Variants in C4orf51 observed in about 807,000 individuals in gnomAD.
C4orf51 encodes uncharacterized protein C4orf51.
A neutral mutation model predicts 25.2 loss-of-function variants in C4orf51; 25 were observed. That is an observed-to-expected ratio of 0.99 (90% CI 0.72 to 1.39). The LOEUF (loss-of-function observed/expected upper bound fraction) is 1.39. C4orf51 is among the 40% of genes most tolerant of loss of function. C4orf51 has a pLI of 0.00. For synonymous variants in C4orf51, 100 were observed against 84.5 expected (o/e 1.18, Z -1.01); for missense variants, 252 against 239.6 (o/e 1.05, Z -0.34).
At chr4:145,775,758 G>C, downstream of C4orf51, 1 of 1,612,598 alleles carries the variant, frequency 6.2e-7, no homozygotes, top group Middle Eastern at 1.7e-4. Context: ...GTCTGAGAAA[G>C]GCGGACTAGC....
At chr4:145,789,318 A>C in the C4orf51 span, among the ~76,000 whole-genome samples, 1 of 152,206 alleles carries the variant, frequency 6.6e-6, no homozygotes, top group African/African-American at 2.4e-5. Flanking sequence ...ATAAAGACTT[A>C]AAGTGCATAA....
intron 1 of C4orf51, among the ~76,000 whole-genome samples, chr4:145,739,430 C>T (rs1029845980): frequency 3.9e-5 from 6 of 152,176 alleles, no homozygotes; most frequent in African/African-American, 4.8e-5. Flanking sequence ...TGGCACAGAG[C>T]GTCAAGATTT....
At chr4:145,708,251 G>A (rs1340328748) in intron 2 of C4orf51, among the ~76,000 whole-genome samples, 1 of 152,182 alleles carries the variant, frequency 6.6e-6, no homozygotes, top group Non-Finnish European at 1.5e-5. Context: ...TTAATCTGAG[G>A]ACCTCCTGCA....
At position 145,690,488 on chromosome 4, in the gene C4orf51, A is replaced by G. The variant is rs1578924328; in HGVS notation, c.234-6071A>G. ...CACTGCACTCCAGCCTGGGCGACAG[A>G]GTGAGACTCCATCTCAAAATAATAA... On this transcript the variant is annotated intron_variant, in intron 1 of 5. Coordinates refer to ENST00000438731, the MANE Select transcript of C4orf51 (RefSeq NM_001080531.3). Among the ~76,000 whole-genome samples the G allele has an allele frequency of 2.0e-5, 3 of 152,124 alleles. No individual in the cohort carries two copies. The East Asian group carries it at 5.8e-4, about 29-fold the overall frequency.
chr4:145,680,369 CA>C lies in C4orf51; in HGVS notation c.168del (p.Gln56HisfsTer26). 1 of 1,613,956 alleles carries C rather than the reference CA, an allele frequency of 6.2e-7. No individual in the cohort carries two copies. On this transcript the variant is annotated frameshift_variant, in exon 1 of 6. Coordinates refer to ENST00000438731, the MANE Select transcript of C4orf51 (RefSeq NM_001080531.3). LOFTEE classifies it high-confidence loss of function. Reference sequence around the variant, plus strand: ...ATACACAGGCAGTTACCGGAAAAAACAACTGGACAAGTCCATGTGCAGCCAA... The same window carrying C: ...ATACACAGGCAGTTACCGGAAAAAACACTGGACAAGTCCATGTGCAGCCAA... ...TTYTGSYRKK[Q>X]LDKSMCSQFS...
At chr4:145,733,166 G>GCCCCT (rs1732589441), downstream of C4orf51, among the ~76,000 whole-genome samples, 1 of 145,838 alleles carries the variant, frequency 6.9e-6, no homozygotes, top group South Asian at 2.2e-4. Flanking sequence ...CCCGCCGCCT[G>GCCCCT]CCCCTCCCCT....
chr4:145,689,817 C>A (rs1438172847), intron 1 of C4orf51, among the ~76,000 whole-genome samples: 1 of 152,090 alleles, frequency 6.6e-6, no homozygotes, highest in Non-Finnish European at 1.5e-5. Context: ...TAACCATATG[C>A]AGAAGAAGAA....
Position 145,763,249 on chromosome 4 carries a change from T to C in C4orf51, n.167-7739T>C, listed in dbSNP as rs1285162102. 1.1e-6 allele frequency: 1 copy of C among 949,024 alleles called. No individual in the cohort carries two copies. The highest frequency in any genetic ancestry group is 1.6e-6 in the Non-Finnish European group (1 of 642,068). 58.8% of individuals were successfully genotyped at this position (949,024 alleles called of 1,614,324 possible). A position where few individuals can be genotyped will look rare whatever the true frequency, so the allele number is the denominator to read the frequency against. ...AGCAGTCTGTTTCATTTTAAGGACA[T>C]TTCTGTGACCCACAGCTCAATCTTT... On this transcript the variant is annotated intron_variant and non_coding_transcript_variant, in intron 1 of 1. Transcript: ENST00000510096. This position sits in a 1 kb window ranked among gnomAD's most constrained non-coding sequence, Gnocchi z 4.6.
chr4:145,745,320 ATTTT>A (rs374600935), intron 1 of C4orf51, among the ~76,000 whole-genome samples: 13 of 135,316 alleles, frequency 9.6e-5, no homozygotes, highest in East Asian at 2.1e-4. Context: ...TTATTCATTC[ATTTT>A]TTTTTTTTTT....
intron 2 of C4orf51, among the ~76,000 whole-genome samples, chr4:145,698,467 G>C (rs542947517): frequency 6.6e-6 from 1 of 152,214 alleles, no homozygotes; most frequent in Non-Finnish European, 1.5e-5. Context: ...TTAGCAATTG[G>C]TTGAAAGGGA....
chr4:145,729,434 T>C (rs557588700), intron 4 of C4orf51, among the ~76,000 whole-genome samples: 1 of 151,470 alleles, frequency 6.6e-6, no homozygotes, highest in Admixed American at 6.6e-5. Context: ...CCCGAGTAGC[T>C]GGGACTACCG....
the C4orf51 span, among the ~76,000 whole-genome samples, chr4:145,783,957 T>C: frequency 1.2e-4 from 18 of 152,286 alleles, no homozygotes; most frequent in Admixed American, 3.3e-4. Flanking sequence ...TGGTTTAGCA[T>C]GGTCTCTCTG....
intron 1 of C4orf51, among the ~76,000 whole-genome samples, chr4:145,743,600 A>G (rs762490201): frequency 1.3e-5 from 2 of 152,368 alleles, no homozygotes; most frequent in South Asian, 4.1e-4. Flanking sequence ...GATTCAAACC[A>G]TAGGACTTTC....
intron 1 of C4orf51, chr4:145,764,901 A>T (rs755593929): frequency 1.9e-6 from 3 of 1,596,212 alleles, no homozygotes; most frequent in Non-Finnish European, 2.6e-6. Context: ...ATGACTCCCA[A>T]AACCTTCACG....
At chr4:145,711,513 C>A (rs1180389544) in intron 2 of C4orf51, among the ~76,000 whole-genome samples, 1 of 151,976 alleles carries the variant, frequency 6.6e-6, no homozygotes, top group Non-Finnish European at 1.5e-5. Flanking sequence ...CTGGTACTTT[C>A]TTTCTCTTTT....
At chr4:145,687,002 T>TGGGG (rs138977901) in intron 1 of C4orf51, among the ~76,000 whole-genome samples, 2 of 123,496 alleles carry the variant, frequency 1.6e-5, no homozygotes, top group East Asian at 2.1e-4. Context: ...TTGGATCTTG[T>TGGGG]GGGGGGGGCG....
chr4:145,680,550 T>C (rs1286290104), intron 1 of C4orf51, 114 bp downstream of exon 1: 6 of 719,918 alleles, frequency 8.3e-6, no homozygotes, highest in Non-Finnish European at 9.0e-6. Flanking sequence ...TAACCCTCTG[T>C]ATTTTCTTTT....
chr4:145,708,022 C>CTTTCTGGCAGA (rs1248011621), intron 2 of C4orf51, among the ~76,000 whole-genome samples: 1 of 152,206 alleles, frequency 6.6e-6, no homozygotes, highest in African/African-American at 2.4e-5. Context: ...AGGGGCAAGC[C>CTTTCTGGCAGA]ATGGACATAG....
At position 145,762,070 on chromosome 4, in the gene C4orf51, T is replaced by C. The variant is rs1734602540; in HGVS notation, n.167-8918T>C. On this transcript the variant is annotated intron_variant and non_coding_transcript_variant, in intron 1 of 1. Coordinates refer to the C4orf51 transcript ENST00000510096. This position sits in a 1 kb window ranked among gnomAD's most constrained non-coding sequence, Gnocchi z 4.9. ...GCACACGCAGAAAGGCTAAGAGGTT[T>C]TAAAGAACAGCTTATAGGGGGAGCG... Among the ~76,000 whole-genome samples the C allele has an allele frequency of 6.6e-6, 1 of 152,130 alleles. No homozygotes were observed. Among genetic ancestry groups the C allele is most frequent in the Non-Finnish European group, 1.5e-5 (1 of 68,028 alleles).
Sources: gnomAD v4.1 joint callset for allele counts (sites outside exome capture counted in the v4.1 genomes callset) on GRCh38, gnomAD v4.1.1 for gene constraint, Gnocchi (gnomAD v3.1) non-coding constraint, MANE v1.5 for transcripts, NCBI Gene and HGNC (gene_info 2026-07-23, HGNC 2026-07-21) for gene names.